The following COL20A1 variants were observed in gnomAD, a reference collection of about 807,000 sequenced individuals.
COL20A1 encodes collagen alpha-1(XX) chain.
A neutral mutation model predicts 152.9 loss-of-function variants in COL20A1; 164 were observed. That is an observed-to-expected ratio of 1.07 (90% CI 0.94 to 1.22). COL20A1 has a LOEUF of 1.22. Ranked by LOEUF, COL20A1 falls within the 50% of genes most tolerant of loss-of-function variation. The pLI, the probability that COL20A1 is intolerant of heterozygous loss-of-function variation, is 0.00. For synonymous variants in COL20A1, 864 were observed against 756.0 expected (o/e 1.14, Z -2.34); for missense variants, 1,873 against 1,744.8 (o/e 1.07, Z -1.31).
intron 3 of COL20A1, among the ~76,000 whole-genome samples, chr20:63,299,858 C>T (rs961182546): frequency 6.6e-6 from 1 of 150,826 alleles, no homozygotes; most frequent in Non-Finnish European, 1.5e-5. Flanking sequence ...TGTGTGTATA[C>T]ATATATACGT....
In COL20A1 at chr20:63,319,045, C is replaced by A. The variant is rs41302946; in HGVS notation, c.2664-13C>A. 4 of 1,596,186 alleles carry A rather than the reference C, an allele frequency of 2.5e-6. No individual in the cohort carries two copies. Among genetic ancestry groups the A allele is most frequent in the East Asian group, 2.2e-5 (1 of 44,760 alleles). ...GTCTGCTCATGTGCCTCTCCCTCCC[C>A]CAACCCCCACAGTGACGTCTACCCA... On this transcript the variant is annotated splice_polypyrimidine_tract_variant and intron_variant, in intron 21 of 35. Transcript: ENST00000358894. This position sits in a 1 kb window ranked among gnomAD's most constrained non-coding sequence, Gnocchi z 4.4.
intron 7 of COL20A1, among the ~76,000 whole-genome samples, 164 bp from the exon 8 acceptor site, chr20:63,308,378 G>T (rs2067957971): frequency 6.6e-6 from 1 of 152,226 alleles, no homozygotes; most frequent in Admixed American, 6.5e-5. Flanking sequence ...GGAACTTGGG[G>T]CCCTTCAACA....
Position 63,315,456 on chromosome 20 carries a change from C to T in COL20A1, c.2524+17C>T, listed in dbSNP as rs1179364998. The T allele has an allele frequency of 6.4e-7, 1 of 1,559,514 alleles. No homozygotes were observed. The highest frequency in any genetic ancestry group is 8.6e-7 in the Non-Finnish European group (1 of 1,156,882). Reference sequence around the variant, plus strand: ...CCCTCCCAGGTGGGTCCTGCATGCCCTCCCCTGCCTGCCCACCCACAGTCT... The same window carrying T: ...CCCTCCCAGGTGGGTCCTGCATGCCTTCCCCTGCCTGCCCACCCACAGTCT... On this transcript the variant is annotated intron_variant, in intron 20 of 35. Coordinates refer to ENST00000358894, the MANE Select transcript of COL20A1 (RefSeq NM_020882.4).
Position 63,319,630 on chromosome 20 carries a change from C to T in COL20A1, c.2916+34C>T, listed in dbSNP as rs770633987. The T allele has an allele frequency of 1.1e-5, 16 of 1,463,290 alleles. No individual in the cohort carries two copies. Among genetic ancestry groups the T allele is most frequent in the Non-Finnish European group, 1.5e-5 (16 of 1,069,482 alleles). 90.6% of individuals were successfully genotyped at this position (1,463,290 alleles called of 1,614,324 possible). A position where few individuals can be genotyped will look rare whatever the true frequency, so the allele number is the denominator to read the frequency against. ...GCAGCTCGCGCCCCTCTCCCCCGTTCCCCCAGCTCTGGGGCAGCCCAGCCC... is the reference window on the plus strand; with the variant it reads ...GCAGCTCGCGCCCCTCTCCCCCGTTTCCCCAGCTCTGGGGCAGCCCAGCCC... On this transcript the variant is annotated intron_variant, in intron 23 of 35. Transcript: ENST00000358894. The surrounding 1 kb of genome is among the most constrained non-coding windows in gnomAD (Gnocchi z 4.4).
chr20:63,305,056 G>A lies in COL20A1; in HGVS notation c.194-361G>A, dbSNP rs6089875. Reference sequence around the variant, plus strand: ...TGGGAGTGGGCAGGGCCCTGGCCCCGGACTCTTCCTTCTTGGACCTGGCCC... The same window carrying A: ...TGGGAGTGGGCAGGGCCCTGGCCCCAGACTCTTCCTTCTTGGACCTGGCCC... On this transcript the variant is annotated intron_variant, in intron 3 of 35. Coordinates refer to ENST00000358894, the MANE Select transcript of COL20A1 (RefSeq NM_020882.4). This position sits in a 1 kb window ranked among gnomAD's most constrained non-coding sequence, Gnocchi z 4.9. Among the ~76,000 whole-genome samples, 136 of 152,208 alleles carry A rather than the reference G, an allele frequency of 8.9e-4. No homozygotes were observed. The highest frequency in any genetic ancestry group is 2.9e-3 in the African/African-American group (119 of 41,494).
Position 63,334,519 on chromosome 20 carries a change from G to C in COL20A1, c.*3803G>C, listed in dbSNP as rs1254478829. 2 of 152,246 alleles carry C rather than the reference G, an allele frequency of 1.3e-5. No individual in the cohort carries two copies. Among genetic ancestry groups the C allele is most frequent in the African/African-American group, 4.8e-5 (2 of 41,460 alleles). The allele number at this position is 152,246 out of a possible 1,614,324, so 9.4% of individuals were successfully genotyped here. ...AACCTCTGTGCCACCCTGGGCTCAA[G>C]TGGTCCTCCTGCTCCGGTCTTCTGA... is the stretch of plus-strand genomic sequence containing the variant. On this transcript the variant is annotated 3_prime_UTR_variant, in exon 36 of 36. Coordinates refer to ENST00000358894, the MANE Select transcript of COL20A1 (RefSeq NM_020882.4).
chr20:63,315,509 A>G (rs1368216723), intron 20 of COL20A1, 70 bp downstream of exon 20: 8 of 1,390,732 alleles, frequency 5.8e-6, no homozygotes, highest in Non-Finnish European at 7.8e-6. Flanking sequence ...CGTGGGGGCC[A>G]AGGGTGTCGT....
At chr20:63,315,485 G>A (rs775292120) in intron 20 of COL20A1, 46 bp downstream of exon 20, 7 of 1,519,906 alleles carry the variant, frequency 4.6e-6, no homozygotes, top group Non-Finnish European at 6.2e-6. Context: ...ACAGTCTCTC[G>A]GGCTCTTCCT....
intron 15 of COL20A1, 94 bp from the exon 16 acceptor site, chr20:63,312,698 G>T: frequency 6.9e-7 from 1 of 1,454,088 alleles, no homozygotes; most frequent in East Asian, 2.4e-5. Flanking sequence ...TGTGATGGAT[G>T]GGGGTATAGG....
In COL20A1 at chr20:63,298,353, C is replaced by T. The variant is rs181968089; in HGVS notation, c.193+333C>T. ...TTGCCCAGACTGGAGTGCAGTGGTG[C>T]GATCACAGCTCCCCGCAGCCTCAAT... On this transcript the variant is annotated intron_variant, in intron 3 of 35. Coordinates refer to ENST00000358894, the MANE Select transcript of COL20A1 (RefSeq NM_020882.4). Among the ~76,000 whole-genome samples the T allele has an allele frequency of 2.0e-4, 30 of 152,152 alleles. No individual in the cohort carries two copies. The East Asian group carries it at 5.8e-3, about 29-fold the overall frequency.
chr20:63,296,184 C>A (rs1245811691), intron 2 of COL20A1, among the ~76,000 whole-genome samples: 1 of 152,280 alleles, frequency 6.6e-6, no homozygotes, highest in African/African-American at 2.4e-5. Flanking sequence ...GGCAACAGAC[C>A]ATTGCATGAG....
chr20:63,319,441 G>A lies in COL20A1; in HGVS notation c.2807-46G>A, dbSNP rs199969476. The stretch of plus-strand genomic sequence containing the variant: ...GCCGCCCTGCTCAAGGTATAGGCCC[G>A]GCTGGTTGCAGCCCGTTCTCACCTG... On this transcript the variant is annotated intron_variant, in intron 22 of 35. Transcript: ENST00000358894. This position sits in a 1 kb window ranked among gnomAD's most constrained non-coding sequence, Gnocchi z 4.4. 2.3e-5 allele frequency: 33 copies of A among 1,435,978 alleles called. No individual in the cohort carries two copies. Among genetic ancestry groups the A allele is most frequent in the Middle Eastern group, 1.7e-4 (1 of 5,716 alleles). The allele number at this position is 1,435,978 out of a possible 1,614,324, so 89.0% of individuals were successfully genotyped here. A position where few individuals can be genotyped will look rare whatever the true frequency, so the allele number is the denominator to read the frequency against.
At chr20:63,312,731 C>T (rs1443415579) in intron 15 of COL20A1, 61 bp from the exon 16 acceptor site, 5 of 1,486,326 alleles carry the variant, frequency 3.4e-6, no homozygotes, top group East Asian at 4.9e-5. Context: ...GTGGCTGCCC[C>T]TCCTCTGAGG....
intron 30 of COL20A1, 33 bp downstream of exon 30, chr20:63,326,182 A>C: frequency 6.4e-7 from 1 of 1,571,740 alleles, no homozygotes; most frequent in South Asian, 1.1e-5. Flanking sequence ...CCCGACCCCC[A>C]CCCAGGGTTC....
chr20:63,308,164 C>T (rs1384654344), intron 7 of COL20A1, 74 bp downstream of exon 7: 2 of 1,565,932 alleles, frequency 1.3e-6, no homozygotes, highest in African/African-American at 1.4e-5. Context: ...ATCCCGAAAG[C>T]TTGTGTGTAA....
Position 63,311,681 on chromosome 20 carries a change from T to G in COL20A1, c.1596T>G (p.Tyr532Ter). The part of the protein sequence containing the change: ...LLDGLEPGRD[Y>*]EVSVQSLRGP... ...ATGGCCTGGAACCTGGCAGGGACTATGAGGTCTCGGTGCAGAGCCTGCGAG... is the reference window on the plus strand; with the variant it reads ...ATGGCCTGGAACCTGGCAGGGACTAGGAGGTCTCGGTGCAGAGCCTGCGAG... Residue 532 changes from tyrosine to a stop codon, truncating the protein, a stop_gained, in exon 13 of 36, where the codon TAT becomes TAG. Coordinates refer to ENST00000358894, the MANE Select transcript of COL20A1 (RefSeq NM_020882.4). LOFTEE classifies it high-confidence loss of function. The surrounding 1 kb of genome is among the most constrained non-coding windows in gnomAD (Gnocchi z 4.4). 6.2e-7 allele frequency: 1 copy of G among 1,608,118 alleles called. No individual in the cohort carries two copies. Among genetic ancestry groups the G allele is most frequent in the Non-Finnish European group, 8.5e-7 (1 of 1,179,290 alleles).
chr20:63,311,562 G>T lies in COL20A1; in HGVS notation c.1539+23G>T, dbSNP rs200559599. 6.2e-7 allele frequency: 1 copy of T among 1,606,662 alleles called. No homozygotes were observed. The highest frequency in any genetic ancestry group is 8.5e-7 in the Non-Finnish European group (1 of 1,177,536). On this transcript the variant is annotated intron_variant, in intron 12 of 35. Transcript: ENST00000358894. The surrounding 1 kb of genome is among the most constrained non-coding windows in gnomAD (Gnocchi z 4.4). The stretch of plus-strand genomic sequence containing the variant: ...GAGGTGAGCTGGGCCGGGGGGTGGC[G>T]GGGGAGGCAGAGGAGTGGGGCAGAG...
Position 63,328,341 on chromosome 20 carries a change from A to T in COL20A1, c.3624A>T (p.Ser1208=). 1 of 1,611,870 alleles carries T rather than the reference A, an allele frequency of 6.2e-7. No homozygotes were observed. The highest frequency in any genetic ancestry group is 8.5e-7 in the Non-Finnish European group (1 of 1,179,150). ...CCCTCCTCCCCACAGCACACGTGTC[A>T]AAGTTCGACTCCTTCCACGAGAACA... is the stretch of plus-strand genomic sequence containing the variant. ...YQLVSQASHV[S]KFDSFHENTR... is the part of the protein sequence containing the mutation. The change falls in exon 34 of 36, where the codon TCA becomes TCT. Residue 1208 remains serine (S), a synonymous_variant. Transcript: ENST00000358894.
intron 28 of COL20A1, 79 bp from the exon 29 acceptor site, chr20:63,325,589 G>C: frequency 3.2e-6 from 5 of 1,551,888 alleles, no homozygotes; most frequent in Middle Eastern, 2.3e-4. Flanking sequence ...ACAGGGGTTG[G>C]GGGTGAGGCC....
Sources: allele counts gnomAD v4.1 joint callset (sites outside exome capture counted in the v4.1 genomes callset), GRCh38; gene constraint gnomAD v4.1.1; non-coding constraint Gnocchi (gnomAD v3.1); transcripts MANE v1.5; gene names NCBI Gene and HGNC (gene_info 2026-07-23, HGNC 2026-07-21).